The following PTPRD variants were observed in gnomAD, a reference collection of about 807,000 sequenced individuals.
PTPRD encodes the protein protein tyrosine phosphatase receptor type D.
PTPRD carries 34 observed loss-of-function variants against 214.5 expected under a neutral mutation model. The ratio of observed to expected loss-of-function variants is 0.16; its 90% CI spans 0.12 to 0.21. The LOEUF is 0.21. PTPRD is among the 10% of genes least tolerant of loss of function. PTPRD has a pLI of 1.00. For missense variants in PTPRD, 2,545 were observed against 2,398.7 expected (o/e 1.06, Z -1.27); for synonymous variants, 1,128 against 845.7 (o/e 1.33, Z -5.79).
intron 5 of PTPRD, among the ~76,000 whole-genome samples, chr9:9,831,982 T>A (rs1268618665): frequency 6.6e-6 from 1 of 151,978 alleles, no homozygotes; most frequent in Non-Finnish European, 1.5e-5. Flanking sequence ...TTACTGGGTA[T>A]GCCATAGAAT....
At chr9:10,300,024 T>C (rs958145275) in intron 3 of PTPRD, among the ~76,000 whole-genome samples, 2 of 152,174 alleles carry the variant, frequency 1.3e-5, no homozygotes, top group African/African-American at 4.8e-5. Flanking sequence ...TAATAAATCC[T>C]ATACATTGTT....
At chr9:9,938,233 C>T (rs1197810987) in intron 5 of PTPRD, among the ~76,000 whole-genome samples, 3 of 152,184 alleles carry the variant, frequency 2.0e-5, no homozygotes, top group South Asian at 4.1e-4. Context: ...TACTCTACTT[C>T]TAGCTCAGAT....
intron 10 of PTPRD, among the ~76,000 whole-genome samples, chr9:9,057,734 G>C (rs768071428): frequency 2.0e-4 from 31 of 152,086 alleles, no homozygotes; most frequent in Non-Finnish European, 3.7e-4. Context: ...ACATCAATGA[G>C]ATTCCCAATT....
intron 7 of PTPRD, among the ~76,000 whole-genome samples, chr9:9,595,640 G>C (rs1227909265): frequency 6.6e-6 from 1 of 151,676 alleles, no homozygotes; most frequent in East Asian, 1.9e-4. Context: ...AATGGCCTTT[G>C]CCGCAACCTC....
chr9:8,933,340 G>GTTTTTTTTTTTTTTTTTTTTTTTTGTTT (rs71317383), intron 11 of PTPRD, among the ~76,000 whole-genome samples: 1 of 80,428 alleles, frequency 1.2e-5, no homozygotes, highest in African/African-American at 5.1e-5. Flanking sequence ...CAACCTTGAG[G>GTTTTTTTTTTTTTTTTTTTTTTTTGTTT]TTTTTTTTTT....
chr9:8,425,988 CA>C (rs1351482636), intron 35 of PTPRD, among the ~76,000 whole-genome samples: 4 of 152,128 alleles, frequency 2.6e-5, no homozygotes, highest in African/African-American at 9.7e-5. Context: ...CCATCCTTGT[CA>C]CCCTTTACCT....
At chr9:8,405,277 A>G (rs1224462410) in intron 35 of PTPRD, among the ~76,000 whole-genome samples, 1 of 152,214 alleles carries the variant, frequency 6.6e-6, no homozygotes, top group Non-Finnish European at 1.5e-5. Context: ...ACTCAGATGA[A>G]TAAGATACAA....
intron 2 of PTPRD, among the ~76,000 whole-genome samples, chr9:10,350,838 T>C (rs2097169371): frequency 6.6e-6 from 1 of 152,188 alleles, no homozygotes; most frequent in Non-Finnish European, 1.5e-5. Context: ...CGTGGTGGGA[T>C]ACAGCTATGA....
intron 39 of PTPRD, among the ~76,000 whole-genome samples, chr9:8,350,314 G>A (rs898976339): frequency 3.3e-5 from 5 of 152,086 alleles, no homozygotes; most frequent in African/African-American, 1.2e-4. Context: ...AAAGACAATA[G>A]AATTAGGATA....
Position 8,377,599 on chromosome 9 carries a change from T to C in PTPRD, c.4387-873A>G, listed in dbSNP as rs78187764. ...GATCTGACTATATTTACCCTTTCTA[T>C]CTCAGACTTTTTTTTAATGGGACTA... On this transcript the variant is annotated intron_variant, in intron 37 of 45. Transcript: ENST00000381196. Among the ~76,000 whole-genome samples, 1,102 of 152,126 alleles carry C rather than the reference T, an allele frequency of 7.2e-3. 10 individuals are homozygous for C. The highest frequency in any genetic ancestry group is 0.026 in the African/African-American group (1,061 of 41,540).
rs748026689 is a variant in PTPRD at position 8,316,685 on chromosome 9, C to CAAACA, written c.*1184_*1188dup. The CAAACA allele has an allele frequency of 7.4e-5, 17 of 230,602 alleles. No individual in the cohort carries two copies. The highest frequency in any genetic ancestry group is 1.8e-4 in the East Asian group (3 of 16,290). 14.3% of individuals were successfully genotyped at this position (230,602 alleles called of 1,614,324 possible). On this transcript the variant is annotated 3_prime_UTR_variant, in exon 46 of 46. Coordinates refer to ENST00000381196, the MANE Select transcript of PTPRD (RefSeq NM_002839.4). Reference sequence around the variant, plus strand: ...CTTTGTTGGAAGCCTGACTAACAAACAAACAAAACAATTTGTGGATGTGAT... The same window carrying CAAACA: ...CTTTGTTGGAAGCCTGACTAACAAACAAACAAAACAAAACAATTTGTGGATGTGAT...
At chr9:10,342,366 A>C (rs188209256) in intron 2 of PTPRD, among the ~76,000 whole-genome samples, 138 of 152,224 alleles carry the variant, frequency 9.1e-4, no homozygotes, top group African/African-American at 3.2e-3. Flanking sequence ...AGCTCTAAAA[A>C]CTTCAATACT....
At chr9:8,360,018 T>C (rs2078071396) in intron 39 of PTPRD, among the ~76,000 whole-genome samples, 1 of 152,228 alleles carries the variant, frequency 6.6e-6, no homozygotes, top group South Asian at 2.1e-4. Context: ...TGTCTGTGGC[T>C]CTAGAATGTT....
At chr9:8,472,086 G>A (rs1398805549) in intron 30 of PTPRD, among the ~76,000 whole-genome samples, 2 of 152,078 alleles carry the variant, frequency 1.3e-5, no homozygotes, top group African/African-American at 4.8e-5. Flanking sequence ...ACTGGTCACA[G>A]GCAAAAAGAC....
At chr9:9,008,638 T>C (rs1040163237) in intron 11 of PTPRD, among the ~76,000 whole-genome samples, 5 of 152,146 alleles carry the variant, frequency 3.3e-5, no homozygotes, top group Non-Finnish European at 7.3e-5. Context: ...TTGTTTTTGA[T>C]GCAAGAAAGG....
chr9:8,934,458 T>TAA (rs1567098686), intron 11 of PTPRD, among the ~76,000 whole-genome samples: 278 of 16,434 alleles, frequency 0.017, 13 homozygotes, highest in Non-Finnish European at 0.02. Flanking sequence ...AATTTATATA[T>TAA]ATATAAATAT....
rs1206143512 is a variant in PTPRD at position 8,802,671 on chromosome 9, G to A, written c.-103-68725C>T. Among the ~76,000 whole-genome samples the A allele has an allele frequency of 2.0e-5, 3 of 152,120 alleles. No homozygotes were observed. In the East Asian group the frequency reaches 5.8e-4, roughly 29 times the overall value. ...TCCTAAGGCCATATGTTTTTATTCGGAAAAGGCCCTGACAACCCACAACTA... is the reference window on the plus strand; with the variant it reads ...TCCTAAGGCCATATGTTTTTATTCGAAAAAGGCCCTGACAACCCACAACTA... On this transcript the variant is annotated intron_variant, in intron 11 of 45. Transcript: ENST00000381196.
chr9:10,264,391 C>G (rs2093911814), intron 3 of PTPRD, among the ~76,000 whole-genome samples: 1 of 152,156 alleles, frequency 6.6e-6, no homozygotes, highest in Admixed American at 6.5e-5. Flanking sequence ...TGGAGCTGCC[C>G]AAGACCATGG....
intron 3 of PTPRD, among the ~76,000 whole-genome samples, chr9:10,319,550 CT>C (rs1421325751): frequency 1.3e-5 from 2 of 152,144 alleles, no homozygotes; most frequent in South Asian, 2.1e-4. Flanking sequence ...AAGATATCAT[CT>C]CTTTCTTTCA....
Sources: allele counts gnomAD v4.1 joint callset (sites outside exome capture counted in the v4.1 genomes callset), GRCh38; gene constraint gnomAD v4.1.1; transcripts MANE v1.5; gene names NCBI Gene and HGNC (gene_info 2026-07-23, HGNC 2026-07-21).